Variants in GRM7 observed in about 807,000 individuals in gnomAD.
GRM7 encodes metabotropic glutamate receptor 7.
Under a neutral mutation model 84.5 loss-of-function variants are expected in GRM7, and 35 were observed. That is an observed-to-expected ratio of 0.41 (90% CI 0.32 to 0.55). GRM7 has a LOEUF of 0.55. Ranked by LOEUF, GRM7 falls within the 20% of genes least tolerant of loss-of-function variation. The pLI, the probability that GRM7 is intolerant of heterozygous loss-of-function variation, is 0.19. For missense variants in GRM7, 1,003 were observed against 1,194.6 expected, an observed-to-expected ratio of 0.84 and a Z score of 2.36; for synonymous variants, 487 against 455.1, an observed-to-expected ratio of 1.07 and a Z score of -0.89.
chr3:7,303,972 A>T (rs1463287850), intron 3 of GRM7, among the ~76,000 whole-genome samples: 1 of 150,626 alleles, frequency 6.6e-6, no homozygotes. Flanking sequence ...AAACTTTTTC[A>T]TGTGTTTTAC....
At chr3:7,175,636 C>A (rs1286069795) in intron 2 of GRM7, among the ~76,000 whole-genome samples, 1 of 152,038 alleles carries the variant, frequency 6.6e-6, no homozygotes, top group Admixed American at 6.5e-5. Context: ...CTCCAGAGTT[C>A]AAGCGATTCT....
In GRM7 at chr3:6,921,473, C is replaced by G. The variant is rs7652063; in HGVS notation, c.519+59566C>G. 3.6e-3 allele frequency among the ~76,000 whole-genome samples: 543 copies of G among 152,240 alleles called. 9 individuals are homozygous for G. The highest frequency in any genetic ancestry group is 0.013 in the African/African-American group (524 of 41,546). On this transcript the variant is annotated intron_variant, in intron 1 of 9. Coordinates refer to ENST00000357716, the MANE Select transcript of GRM7 (RefSeq NM_000844.4). Reference sequence around the variant, plus strand: ...TATTTACCTGAAATAGTAGGACACACTAATTAGAATTTCAAAGAGCTTACA... The same window carrying G: ...TATTTACCTGAAATAGTAGGACACAGTAATTAGAATTTCAAAGAGCTTACA...
At chr3:7,338,063 C>A (rs1447865741) in intron 4 of GRM7, among the ~76,000 whole-genome samples, 2 of 150,790 alleles carry the variant, frequency 1.3e-5, no homozygotes. Context: ...ATATATATCC[C>A]CCCTTAAAGC....
intron 7 of GRM7, among the ~76,000 whole-genome samples, chr3:7,483,908 A>G (rs1008325247): frequency 2.0e-5 from 3 of 152,118 alleles, no homozygotes; most frequent in African/African-American, 7.2e-5. Context: ...CACACTCTAC[A>G]TGATTTATCA....
Position 6,862,385 on chromosome 3 carries a change from G to C in GRM7, c.519+478G>C, listed in dbSNP as rs538502294. Among the ~76,000 whole-genome samples, 1 of 151,982 alleles carries C rather than the reference G, an allele frequency of 6.6e-6. No individual in the cohort carries two copies. Among genetic ancestry groups the C allele is most frequent in the Non-Finnish European group, 1.5e-5 (1 of 67,988 alleles). ...CACTCCCTTGAAAAATTTGGAGACA[G>C]CCTTAAGGAGGCACTTCTTAAATCG... On this transcript the variant is annotated intron_variant, in intron 1 of 9. Transcript: ENST00000357716. This position sits in a 1 kb window ranked among gnomAD's most constrained non-coding sequence, Gnocchi z 5.2.
chr3:7,120,448 T>C (rs1021328930), intron 1 of GRM7, among the ~76,000 whole-genome samples: 18 of 152,094 alleles, frequency 1.2e-4, no homozygotes, highest in African/African-American at 4.1e-4. Flanking sequence ...GATTGAACAA[T>C]AAACTTGTTA....
At chr3:7,642,380 G>T (rs1340269507) in intron 8 of GRM7, among the ~76,000 whole-genome samples, 6 of 152,038 alleles carry the variant, frequency 3.9e-5, no homozygotes, top group African/African-American at 1.4e-4. Context: ...CATGCATATC[G>T]TGCACTCTCA....
intron 8 of GRM7, among the ~76,000 whole-genome samples, chr3:7,660,634 G>A (rs1699403303): frequency 6.6e-6 from 1 of 152,028 alleles, no homozygotes. Context: ...GCTTCTTATA[G>A]AAACTGACAC....
chr3:7,150,562 G>T (rs761952684), intron 2 of GRM7, among the ~76,000 whole-genome samples: 3 of 152,162 alleles, frequency 2.0e-5, no homozygotes, highest in Non-Finnish European at 2.9e-5. Flanking sequence ...TTTCCTTGTT[G>T]AACTTTCAAA....
At chr3:7,245,020 G>A (rs907444766) in intron 2 of GRM7, among the ~76,000 whole-genome samples, 1 of 151,942 alleles carries the variant, frequency 6.6e-6, no homozygotes, top group South Asian at 2.1e-4. Flanking sequence ...ACTAAAAAAT[G>A]TAATATTTAA....
rs180977996 is a variant in GRM7 at position 6,943,809 on chromosome 3, A to G, written c.519+81902A>G. ...CTTCTAAACAATTCTGAGCTTACTG[A>G]TTAATGAAAAAGGTAACTCAGTTTA... On this transcript the variant is annotated intron_variant, in intron 1 of 9. Coordinates refer to ENST00000357716, the MANE Select transcript of GRM7 (RefSeq NM_000844.4). Among the ~76,000 whole-genome samples, 1,018 of 152,192 alleles carry G rather than the reference A, an allele frequency of 6.7e-3. 13 individuals carry two copies. The highest frequency in any genetic ancestry group is 0.023 in the African/African-American group (955 of 41,532).
chr3:7,406,123 T>A (rs1004727417), intron 4 of GRM7, among the ~76,000 whole-genome samples: 1 of 152,166 alleles, frequency 6.6e-6, no homozygotes, highest in Non-Finnish European at 1.5e-5. Context: ...TATTTAATCA[T>A]GTGTTTTGGG....
chr3:6,874,891 G>A (rs1381465630), intron 1 of GRM7, among the ~76,000 whole-genome samples: 1 of 152,098 alleles, frequency 6.6e-6, no homozygotes, highest in Non-Finnish European at 1.5e-5. Flanking sequence ...TCCTTCTTAA[G>A]AATCCCCACA....
intron 8 of GRM7, among the ~76,000 whole-genome samples, chr3:7,641,072 T>G (rs1332385256): frequency 2.0e-5 from 3 of 152,206 alleles, no homozygotes; most frequent in Admixed American, 6.5e-5. Flanking sequence ...CTAAACTGAA[T>G]AAATTAATCA....
intron 9 of GRM7, among the ~76,000 whole-genome samples, chr3:7,690,322 C>T (rs1192462788): frequency 1.3e-5 from 2 of 152,058 alleles, no homozygotes; most frequent in African/African-American, 4.8e-5. Context: ...CTTCCCATAC[C>T]AAAGGCTCCT....
rs544909663 is a variant in GRM7 at position 7,560,493 on chromosome 3, A to G, written c.1516-17929A>G. ...TGCATTCTCTGATTTTTGTTTCTCT[A>G]ACACTCTGCTATTAAAGTTTGTTCC... On this transcript the variant is annotated intron_variant, in intron 7 of 9. Transcript: ENST00000357716. Among the ~76,000 whole-genome samples, 19 of 152,098 alleles carry G rather than the reference A, an allele frequency of 1.2e-4. No homozygotes were observed. The Middle Eastern group carries it at 0.017, about 136-fold the overall frequency.
chr3:7,387,750 G>C (rs1472516165), intron 4 of GRM7, among the ~76,000 whole-genome samples: 1 of 152,036 alleles, frequency 6.6e-6, no homozygotes, highest in Non-Finnish European at 1.5e-5. Flanking sequence ...TTTTTGCTTA[G>C]GATTGCCGTG....
chr3:7,683,534 T>G (rs1009895161), intron 9 of GRM7, among the ~76,000 whole-genome samples: 2 of 152,148 alleles, frequency 1.3e-5, no homozygotes, highest in African/African-American at 4.8e-5. Context: ...TTCATGTACC[T>G]CCAAACATTG....
At chr3:7,579,424 A>C (rs983800806) in intron 8 of GRM7, 67 bp downstream of exon 8, 2 of 881,714 alleles carry the variant, frequency 2.3e-6, no homozygotes, top group East Asian at 5.3e-5. Flanking sequence ...TACTGAAACC[A>C]AATTGATTGT....
Sources: gnomAD v4.1 joint callset for allele counts (sites outside exome capture counted in the v4.1 genomes callset) on GRCh38, gnomAD v4.1.1 for gene constraint, Gnocchi (gnomAD v3.1) non-coding constraint, MANE v1.5 for transcripts, NCBI Gene and HGNC (gene_info 2026-07-23, HGNC 2026-07-21) for gene names.